The following RABGEF1 variants were observed in gnomAD, a reference collection of about 807,000 sequenced individuals.
RABGEF1 encodes the protein rab5 GDP/GTP exchange factor.
A neutral mutation model predicts 57.3 loss-of-function variants in RABGEF1; 26 were observed. The ratio of observed to expected loss-of-function variants is 0.45; its 90% CI spans 0.33 to 0.63. The LOEUF (loss-of-function observed/expected upper bound fraction) is 0.63. Among genes scored for constraint, RABGEF1 ranks in the 20% least tolerant of loss-of-function variants. The pLI is 0.02. For missense variants in RABGEF1, 464 were observed against 607.6 expected (o/e 0.76, Z 2.48); for synonymous variants, 185 against 210.7 (o/e 0.88, Z 1.06).
chr7:66,773,277 T>C (rs1296406895), intron 2 of RABGEF1, among the ~76,000 whole-genome samples: 1 of 152,112 alleles, frequency 6.6e-6, no homozygotes, highest in Non-Finnish European at 1.5e-5. Flanking sequence ...CAGTAGCAGA[T>C]CCTGTTTCAA....
chr7:66,701,235 A>G (rs1793212758), intron 1 of RABGEF1, among the ~76,000 whole-genome samples: 1 of 152,194 alleles, frequency 6.6e-6, no homozygotes, highest in South Asian at 2.1e-4. Flanking sequence ...ACAGTAGCTC[A>G]GGCCTGTAAT....
chr7:66,756,111 A>G (rs1562793759), intron 1 of RABGEF1: 19 of 1,305,048 alleles, frequency 1.5e-5, no homozygotes, highest in Non-Finnish European at 1.8e-5. Flanking sequence ...AAGAATATCT[A>G]TAAATCAAAA....
intron 2 of RABGEF1, among the ~76,000 whole-genome samples, chr7:66,724,516 C>T (rs1371290454): frequency 1.3e-5 from 2 of 152,100 alleles, no homozygotes; most frequent in Non-Finnish European, 2.9e-5. Flanking sequence ...CATGCCACTG[C>T]GCCCAGCTAA....
intron 1 of RABGEF1, among the ~76,000 whole-genome samples, chr7:66,707,640 A>T (rs1338215556): frequency 6.6e-6 from 1 of 152,174 alleles, no homozygotes; most frequent in Non-Finnish European, 1.5e-5. Flanking sequence ...GTGAGCCGAG[A>T]CTGCACCACT....
At chr7:66,721,215 G>A (rs1320071781) in intron 2 of RABGEF1, among the ~76,000 whole-genome samples, 3 of 152,162 alleles carry the variant, frequency 2.0e-5, no homozygotes, top group Admixed American at 6.6e-5. Flanking sequence ...CACTGTGCCC[G>A]GCCAAAAGAA....
chr7:66,799,554 T>C, intron 7 of RABGEF1, 140 bp downstream of exon 7: 2 of 688,788 alleles, frequency 2.9e-6, no homozygotes, highest in South Asian at 2.1e-5. Flanking sequence ...TGTAAGATTG[T>C]TTTATGAATT....
chr7:66,669,656 CAG>C, the RABGEF1 span: 1 of 152,210 alleles, frequency 6.6e-6, no homozygotes, highest in African/African-American at 2.4e-5. Flanking sequence ...ATGAGGCCCA[CAG>C]AGCTCTGTCA....
Position 66,809,001 on chromosome 7 carries a change from G to A in RABGEF1, c.1193G>A (p.Ser398Asn). 1 of 1,614,160 alleles carries A rather than the reference G, an allele frequency of 6.2e-7. No homozygotes were observed. Among genetic ancestry groups the A allele is most frequent in the East Asian group, 2.2e-5 (1 of 44,876 alleles). The change falls in exon 9 of 9, where the codon AGT becomes AAT. Residue 398 changes from serine (S) to asparagine (N), a missense_variant. This residue lies in a region of RABGEF1 where 151 missense variants were observed against 152.2 expected (regional missense o/e 0.99). Transcript: ENST00000284957. ...QTSPRKQEAESWSPDACLGVK... is the reference protein window; with the variant it reads ...QTSPRKQEAENWSPDACLGVK... Reference sequence around the variant, plus strand: ...TCTCCCAGGAAGCAAGAAGCTGAGAGTTGGTCTCCTGATGCTTGCTTAGGC... The same window carrying A: ...TCTCCCAGGAAGCAAGAAGCTGAGAATTGGTCTCCTGATGCTTGCTTAGGC...
At chr7:66,692,995 G>A (rs1791762197) in intron 1 of RABGEF1, among the ~76,000 whole-genome samples, 1 of 152,126 alleles carries the variant, frequency 6.6e-6, no homozygotes, top group African/African-American at 2.4e-5. Context: ...CCTCCCTGCT[G>A]GGGATCTTTT....
chr7:66,746,816 G>C (rs1800363788), intron 1 of RABGEF1, among the ~76,000 whole-genome samples: 1 of 150,960 alleles, frequency 6.6e-6, no homozygotes, highest in Non-Finnish European at 1.5e-5. Flanking sequence ...GAGTGAGACT[G>C]AGTTTCAGCC....
At chr7:66,693,162 C>T (rs757433944) in intron 1 of RABGEF1, among the ~76,000 whole-genome samples, 1 of 152,068 alleles carries the variant, frequency 6.6e-6, no homozygotes, top group Admixed American at 6.6e-5. Flanking sequence ...GGGGGAGATT[C>T]GGGGACAGGG....
At chr7:66,804,756 A>T (rs79977564) in intron 7 of RABGEF1, among the ~76,000 whole-genome samples, 1 of 149,602 alleles carries the variant, frequency 6.7e-6, no homozygotes, top group African/African-American at 2.4e-5. Context: ...AAAAAAAAAA[A>T]GTGTGGGCTT....
chr7:66,764,824 C>G (rs1805301948), intron 1 of RABGEF1, among the ~76,000 whole-genome samples: 1 of 152,180 alleles, frequency 6.6e-6, no homozygotes, highest in South Asian at 2.1e-4. Flanking sequence ...ATTTCTATGA[C>G]TTTCCTTGTG....
chr7:66,797,577 T>C, intron 6 of RABGEF1, 71 bp downstream of exon 6: 3 of 1,512,098 alleles, frequency 2.0e-6, no homozygotes, highest in South Asian at 1.2e-5. Flanking sequence ...GGGAAAATAA[T>C]GCACCTGTGT....
At chr7:66,715,214 A>G (rs1187089553) in intron 2 of RABGEF1, among the ~76,000 whole-genome samples, 1 of 151,944 alleles carries the variant, frequency 6.6e-6, no homozygotes, top group East Asian at 1.9e-4. Context: ...TGCATCCTCA[A>G]ACTCATGGGC....
chr7:66,707,904 T>A (rs1223007311), intron 1 of RABGEF1, among the ~76,000 whole-genome samples: 1 of 152,180 alleles, frequency 6.6e-6, no homozygotes, highest in Non-Finnish European at 1.5e-5. Context: ...TTAAAGCCAA[T>A]TTTTTTCTGA....
the RABGEF1 span, among the ~76,000 whole-genome samples, chr7:66,671,948 C>T: frequency 0.1 from 15,784 of 151,270 alleles, 906 homozygotes; most frequent in Non-Finnish European, 0.11. Context: ...TCCCAAGTAG[C>T]TGGGAATAGA....
chr7:66,702,341 T>TTTTG (rs1227026748), intron 1 of RABGEF1, among the ~76,000 whole-genome samples: 2 of 136,522 alleles, frequency 1.5e-5, no homozygotes, highest in African/African-American at 5.8e-5. Context: ...CTGGCTATTG[T>TTTTG]TTTGTTTGTG....
chr7:66,799,216 T>C (rs1407573396), intron 6 of RABGEF1, 107 bp from the exon 7 acceptor site: 1 of 771,390 alleles, frequency 1.3e-6, no homozygotes, highest in Non-Finnish European at 2.2e-6. Context: ...GGGCCTGGGA[T>C]TGAGTGGTCA....
Sources: gnomAD v4.1 joint callset for allele counts (sites outside exome capture counted in the v4.1 genomes callset) on GRCh38, gnomAD v4.1.1 for gene constraint, gnomAD v4.1.1 regional missense constraint, MANE v1.5 for transcripts, NCBI Gene and HGNC (gene_info 2026-07-23, HGNC 2026-07-21) for gene names.